EYS: variants seen among roughly 807,000 people sequenced by gnomAD.
The protein encoded by EYS is EGF-like photoreceptor maintenance factor.
EYS carries 250 observed loss-of-function variants against 282.1 expected under a neutral mutation model. That is an observed-to-expected ratio of 0.89 (90% CI 0.80 to 0.98). EYS has a LOEUF of 0.98. Among genes scored for constraint, EYS ranks in the 50% least tolerant of loss-of-function variants. The pLI is 0.00. For missense variants in EYS, 4,016 were observed against 3,709.0 expected (o/e 1.08, Z -2.15); for synonymous variants, 1,355 against 1,282.9 (o/e 1.06, Z -1.20).
intron 31 of EYS, among the ~76,000 whole-genome samples, chr6:64,086,078 C>G (rs980151220): frequency 1.4e-4 from 22 of 152,188 alleles, no homozygotes; most frequent in African/African-American, 4.6e-4. Flanking sequence ...CACATAGTTT[C>G]CAAGGCTCTG....
intron 31 of EYS, among the ~76,000 whole-genome samples, chr6:64,158,208 G>C (rs1367135630): frequency 6.6e-6 from 1 of 152,128 alleles, no homozygotes; most frequent in Non-Finnish European, 1.5e-5. Flanking sequence ...TTTTCCACTA[G>C]GATGTACACT....
At chr6:65,663,947 C>A (rs890338474) in intron 1 of EYS, among the ~76,000 whole-genome samples, 5 of 145,538 alleles carry the variant, frequency 3.4e-5, no homozygotes, top group African/African-American at 1.3e-4. Flanking sequence ...TCTCGGATCA[C>A]TGCAAGCTCC....
At chr6:65,420,151 A>T (rs1490871675) in intron 5 of EYS, among the ~76,000 whole-genome samples, 1 of 151,986 alleles carries the variant, frequency 6.6e-6, no homozygotes, top group East Asian at 1.9e-4. Flanking sequence ...CATTTCATGA[A>T]ATATTTCTCT....
intron 1 of EYS, among the ~76,000 whole-genome samples, chr6:65,652,349 G>A (rs1057501208): frequency 2.0e-5 from 3 of 151,976 alleles, no homozygotes; most frequent in Non-Finnish European, 2.9e-5. Context: ...TAGAAGAAAC[G>A]AGTTAGATGT....
At chr6:64,904,458 G>C (rs1444788724) in intron 16 of EYS, among the ~76,000 whole-genome samples, 2 of 152,062 alleles carry the variant, frequency 1.3e-5, no homozygotes, top group East Asian at 3.8e-4. Context: ...CGCCATTGCT[G>C]TTTTCTATAT....
chr6:64,283,083 C>A (rs1197726026), intron 30 of EYS, among the ~76,000 whole-genome samples: 4 of 152,124 alleles, frequency 2.6e-5, no homozygotes, highest in African/African-American at 9.7e-5. Flanking sequence ...CTTCCATGTC[C>A]ACTTCAGCTC....
At chr6:63,995,997 A>G (rs1455207668) in intron 34 of EYS, among the ~76,000 whole-genome samples, 1 of 149,460 alleles carries the variant, frequency 6.7e-6, no homozygotes, top group African/African-American at 2.4e-5. Flanking sequence ...TGGATATGCT[A>G]ATTTGCTGAA....
At chr6:65,248,056 A>G (rs2150280833) in intron 12 of EYS, among the ~76,000 whole-genome samples, 1 of 152,176 alleles carries the variant, frequency 6.6e-6, no homozygotes, top group South Asian at 2.1e-4. Flanking sequence ...TTTAAAAGAA[A>G]GAAAAGCAAA....
chr6:63,753,140 GTATA>G (rs33925107), intron 41 of EYS, among the ~76,000 whole-genome samples: 17,170 of 135,754 alleles, frequency 0.13, 1,146 homozygotes, highest in African/African-American at 0.18. Flanking sequence ...GTGTGTGTGT[GTATA>G]TATATATATA....
intron 11 of EYS, among the ~76,000 whole-genome samples, chr6:65,321,650 C>T (rs1769478832): frequency 6.6e-6 from 1 of 152,164 alleles, no homozygotes; most frequent in Non-Finnish European, 1.5e-5. Context: ...GTCATGAAGG[C>T]TATAACCAGC....
intron 37 of EYS, among the ~76,000 whole-genome samples, chr6:63,792,377 G>A (rs1349989230): frequency 6.6e-6 from 1 of 152,094 alleles, no homozygotes. Flanking sequence ...AAGAAAAGCA[G>A]TTTACTGTCA....
chr6:64,267,598 T>C (rs1656448744), intron 30 of EYS, among the ~76,000 whole-genome samples: 1 of 152,078 alleles, frequency 6.6e-6, no homozygotes. Flanking sequence ...AAAGACCATA[T>C]AGACATTAAA....
At chr6:65,120,460 C>CAAAAAAAAAAAAAAAAAAAA (rs67505285) in intron 12 of EYS, among the ~76,000 whole-genome samples, 3 of 68,264 alleles carry the variant, frequency 4.4e-5, no homozygotes, top group Non-Finnish European at 8.2e-5. Flanking sequence ...TTTAAATAAG[C>CAAAAAAAAAAAAAAAAAAAA]AAAAAAAAAA....
chr6:65,182,272 TAAAAG>T (rs1029988373), intron 12 of EYS, among the ~76,000 whole-genome samples: 4 of 151,134 alleles, frequency 2.6e-5, no homozygotes, highest in African/African-American at 9.7e-5. Context: ...TGTTAAATGT[TAAAAG>T]AAAAAAGAGA....
intron 2 of EYS, among the ~76,000 whole-genome samples, chr6:65,568,040 C>T (rs1467432509): frequency 6.6e-6 from 1 of 151,810 alleles, no homozygotes; most frequent in Non-Finnish European, 1.5e-5. Context: ...TTTTCTTCCC[C>T]CTCCCTATTA....
At chr6:65,263,469 A>C (rs1018739530) in intron 12 of EYS, among the ~76,000 whole-genome samples, 3 of 152,194 alleles carry the variant, frequency 2.0e-5, no homozygotes, top group Admixed American at 6.6e-5. Flanking sequence ...TACCCTTTAC[A>C]TAAAGAAATA....
At chr6:65,598,236 CCA>C (rs1399728811) in intron 2 of EYS, among the ~76,000 whole-genome samples, 80 of 41,262 alleles carry the variant, frequency 1.9e-3, no homozygotes, top group South Asian at 5.1e-3. Context: ...TCCTCCCCAC[CCA>C]CCCCCCCCCC....
At chr6:64,688,348 C>A (rs1770239571) in intron 22 of EYS, among the ~76,000 whole-genome samples, 1 of 152,082 alleles carries the variant, frequency 6.6e-6, no homozygotes, top group South Asian at 2.1e-4. Context: ...CCTGCTTTCT[C>A]TTATGGGCAT....
At chr6:65,114,483 C>T (rs957442449) in intron 12 of EYS, among the ~76,000 whole-genome samples, 6 of 150,774 alleles carry the variant, frequency 4.0e-5, no homozygotes, top group Non-Finnish European at 8.9e-5. Flanking sequence ...TTAAATTTCT[C>T]CATCTCTAAA....
Sources: gnomAD v4.1 joint callset for allele counts (sites outside exome capture counted in the v4.1 genomes callset) on GRCh38, gnomAD v4.1.1 for gene constraint, MANE v1.5 for transcripts, NCBI Gene and HGNC (gene_info 2026-07-23, HGNC 2026-07-21) for gene names.